RGS7: variants seen among roughly 807,000 people sequenced by gnomAD.
RGS7 encodes the protein regulator of G protein signaling 7.
Under a neutral mutation model 81.1 loss-of-function variants are expected in RGS7, and 27 were observed. The observed-to-expected ratio is 0.33, with a 90% CI of 0.25 to 0.46. The LOEUF (loss-of-function observed/expected upper bound fraction) is 0.46. RGS7 is among the 20% of genes least tolerant of loss of function. The pLI is 1.00. For missense variants in RGS7, 396 were observed against 607.4 expected, an observed-to-expected ratio of 0.65 and a Z score of 3.66; for synonymous variants, 208 against 207.7, an observed-to-expected ratio of 1.00 and a Z score of -0.01.
At chr1:241,102,588 C>CT (rs764699422) in intron 2 of RGS7, among the ~76,000 whole-genome samples, 1 of 152,230 alleles carries the variant, frequency 6.6e-6, no homozygotes, top group Non-Finnish European at 1.5e-5. Context: ...CCTCCATTCC[C>CT]TTTTTTTTCA....
chr1:241,127,071 C>T (rs1389159224), intron 2 of RGS7, among the ~76,000 whole-genome samples: 1 of 152,008 alleles, frequency 6.6e-6, no homozygotes, highest in Non-Finnish European at 1.5e-5. Flanking sequence ...TGCACATAAA[C>T]ATTTAAATTT....
intron 2 of RGS7, among the ~76,000 whole-genome samples, chr1:241,169,336 C>CTTTTTTTTTTTT (rs57753661): frequency 5.4e-5 from 4 of 74,272 alleles, no homozygotes; most frequent in Non-Finnish European, 7.1e-5. Flanking sequence ...ATGTGTGTTT[C>CTTTTTTTTTTTT]TTTTTTTTTT....
At chr1:240,854,235 G>C (rs532038179) in intron 9 of RGS7, among the ~76,000 whole-genome samples, 5 of 152,038 alleles carry the variant, frequency 3.3e-5, no homozygotes, top group Admixed American at 3.3e-4. Flanking sequence ...GGGAAAAGAC[G>C]GTCTACCAAG....
intron 4 of RGS7, among the ~76,000 whole-genome samples, chr1:240,964,543 G>A (rs1004637506): frequency 2.0e-5 from 3 of 152,132 alleles, no homozygotes; most frequent in South Asian, 2.1e-4. Context: ...GTGTCTGATC[G>A]TTTTTGCTGT....
At chr1:240,845,511 G>A (rs993668181) in intron 9 of RGS7, among the ~76,000 whole-genome samples, 2 of 152,018 alleles carry the variant, frequency 1.3e-5, no homozygotes, top group Non-Finnish European at 2.9e-5. Context: ...GATCACATGG[G>A]GTTTTGGAGA....
chr1:240,939,269 AC>A (rs1677155522), intron 4 of RGS7, among the ~76,000 whole-genome samples: 2 of 151,800 alleles, frequency 1.3e-5, no homozygotes, highest in South Asian at 4.2e-4. Context: ...CACAAAAAAA[AC>A]ATAAAACTTT....
At chr1:240,878,023 T>C (rs1017139333) in intron 6 of RGS7, among the ~76,000 whole-genome samples, 2 of 152,132 alleles carry the variant, frequency 1.3e-5, no homozygotes, top group South Asian at 2.1e-4. Context: ...GCCACAGTCC[T>C]TACTGCCCCA....
chr1:241,242,339 T>TAGATAGAC (rs1217306432), intron 2 of RGS7, among the ~76,000 whole-genome samples: 1 of 152,024 alleles, frequency 6.6e-6, no homozygotes, highest in Non-Finnish European at 1.5e-5. Context: ...GATAGATAGA[T>TAGATAGAC]AGATAGATAG....
At chr1:240,780,528 T>A (rs1227329352) in intron 18 of RGS7, among the ~76,000 whole-genome samples, 1 of 150,086 alleles carries the variant, frequency 6.7e-6, no homozygotes, top group African/African-American at 2.5e-5. Context: ...GGCACAGGAA[T>A]GAATTCTTAT....
chr1:241,088,469 C>T (rs6702572), intron 3 of RGS7, among the ~76,000 whole-genome samples: 7,064 of 152,022 alleles, frequency 0.046, 552 homozygotes, highest in African/African-American at 0.16. Flanking sequence ...CGTACCCTTG[C>T]CAAACCCCAA....
chr1:241,284,335 G>C (rs1320872231), intron 2 of RGS7, among the ~76,000 whole-genome samples: 1 of 152,086 alleles, frequency 6.6e-6, no homozygotes, highest in Non-Finnish European at 1.5e-5. Context: ...CTACCAGTTG[G>C]AGGTAGAAGT....
rs1553268796 is a variant in RGS7 at position 241,147,780 on chromosome 1, T to TTACATATATATATA, written c.79-49019_79-49018insTATATATATATGTA. On this transcript the variant is annotated intron_variant, in intron 2 of 18. Coordinates refer to ENST00000440928, the MANE Select transcript of RGS7 (RefSeq NM_001364886.1). ...TTAAATATCCCATCTAGATTAAGTT[T>TTACATATATATATA]TATATATATATATATATATATATAT... Among the ~76,000 whole-genome samples the TTACATATATATATA allele has an allele frequency of 5.2e-4, 23 of 44,644 alleles. 2 individuals are homozygous for TTACATATATATATA. Among genetic ancestry groups the TTACATATATATATA allele is most frequent in the African/African-American group, 1.5e-3 (23 of 15,412 alleles). The allele number at this position is 44,644 out of a possible 152,430, so 29.3% of individuals were successfully genotyped here.
At position 240,868,112 on chromosome 1, in the gene RGS7, GAAAAGGAAA is replaced by G. The variant is rs1291288588; in HGVS notation, c.609+466_609+474del. On this transcript the variant is annotated intron_variant, in intron 9 of 18. Transcript: ENST00000440928. This position sits in a 1 kb window ranked among gnomAD's most constrained non-coding sequence, Gnocchi z 5.1. ...AGAAAGAAAAGAAAAAGAAAGAAAAGAAAAGGAAAGAAAGAAAGAAAGAAAGAAAGAAAG... is the reference window on the plus strand; with the variant it reads ...AGAAAGAAAAGAAAAAGAAAGAAAAGGAAAGAAAGAAAGAAAGAAAGAAAG... Among the ~76,000 whole-genome samples, 2 of 97,818 alleles carry G rather than the reference GAAAAGGAAA, an allele frequency of 2.0e-5. No individual in the cohort carries two copies. The highest frequency in any genetic ancestry group is 7.5e-5 in the African/African-American group (2 of 26,624). 64.2% of individuals were successfully genotyped at this position (97,818 alleles called of 152,430 possible). A position where few individuals can be genotyped will look rare whatever the true frequency, so the allele number is the denominator to read the frequency against.
chr1:240,855,628 A>G (rs957513139), intron 9 of RGS7, among the ~76,000 whole-genome samples: 1 of 151,898 alleles, frequency 6.6e-6, no homozygotes, highest in Non-Finnish European at 1.5e-5. Context: ...TCTTGTGGAT[A>G]TATCTTATTT....
chr1:241,076,309 T>C (rs973199294), intron 3 of RGS7, among the ~76,000 whole-genome samples: 5 of 152,186 alleles, frequency 3.3e-5, no homozygotes, highest in Non-Finnish European at 7.3e-5. Flanking sequence ...TCCTGATGGC[T>C]TCCCTTCACT....
chr1:241,252,510 A>T (rs2076882801), intron 2 of RGS7, among the ~76,000 whole-genome samples: 1 of 152,192 alleles, frequency 6.6e-6, no homozygotes, highest in Non-Finnish European at 1.5e-5. Context: ...TTTGAGAAAC[A>T]TCACTATATT....
chr1:240,910,791 C>T (rs997675148), intron 6 of RGS7, among the ~76,000 whole-genome samples: 4 of 152,044 alleles, frequency 2.6e-5, no homozygotes, highest in Non-Finnish European at 4.4e-5. Context: ...CATCTCAGCT[C>T]ACTGCAACCT....
intron 2 of RGS7, among the ~76,000 whole-genome samples, chr1:241,189,066 C>G (rs2072379193): frequency 6.6e-6 from 1 of 152,102 alleles, no homozygotes; most frequent in African/African-American, 2.4e-5. Flanking sequence ...TCTCAAATTC[C>G]TGGGCTCAAG....
intron 9 of RGS7, among the ~76,000 whole-genome samples, chr1:240,855,741 TGTGAA>T (rs1367834518): frequency 1.3e-5 from 2 of 152,040 alleles, no homozygotes; most frequent in Non-Finnish European, 1.5e-5. Context: ...TTAATCTACT[TGTGAA>T]AAAGATTTTA....
Sources: gnomAD v4.1 joint callset for allele counts (sites outside exome capture counted in the v4.1 genomes callset) on GRCh38, gnomAD v4.1.1 for gene constraint, Gnocchi (gnomAD v3.1) non-coding constraint, MANE v1.5 for transcripts, NCBI Gene and HGNC (gene_info 2026-07-23, HGNC 2026-07-21) for gene names.